ARSK: variants seen among roughly 807,000 people sequenced by gnomAD.
ARSK encodes the protein arylsulfatase family member K.
In ARSK, 37 loss-of-function variants were observed where a neutral mutation model predicts 53.2. The ratio of observed to expected loss-of-function variants is 0.70; its 90% CI spans 0.54 to 0.92. ARSK has a LOEUF of 0.92. Ranked by LOEUF, ARSK falls within the 40% of genes least tolerant of loss-of-function variation. The pLI is 0.00. For missense variants in ARSK, 613 were observed against 643.0 expected (o/e 0.95, Z 0.51); for synonymous variants, 208 against 223.2 (o/e 0.93, Z 0.61).
chr5:95,598,190 T>G (rs151171423), intron 6 of ARSK, among the ~76,000 whole-genome samples: 1 of 152,302 alleles, frequency 6.6e-6, no homozygotes, highest in African/African-American at 2.4e-5. Flanking sequence ...CACTCTTGCT[T>G]AAGAACCCTG....
chr5:95,566,591 T>C (rs1440047236), intron 2 of ARSK, among the ~76,000 whole-genome samples: 1 of 152,202 alleles, frequency 6.6e-6, no homozygotes, highest in African/African-American at 2.4e-5. Flanking sequence ...TACCTCTTTC[T>C]TTCCGTCTCA....
At chr5:95,556,336 A>T (rs1477418377) in intron 1 of ARSK, 2 of 678,468 alleles carry the variant, frequency 2.9e-6, no homozygotes, top group Non-Finnish European at 5.4e-6. Context: ...ATGGCATTTT[A>T]TTACAGAGTG....
chr5:95,585,300 C>G (rs1749094191), intron 4 of ARSK, among the ~76,000 whole-genome samples: 1 of 152,150 alleles, frequency 6.6e-6, no homozygotes, highest in Non-Finnish European at 1.5e-5. Context: ...ACCTTCTGAT[C>G]CAGCAATCCC....
intron 4 of ARSK, among the ~76,000 whole-genome samples, chr5:95,586,286 T>TATA (rs2112436260): frequency 6.6e-6 from 1 of 152,336 alleles, no homozygotes; most frequent in South Asian, 2.1e-4. Context: ...TACTGTCTAA[T>TATA]ATAGCTCATA....
At chr5:95,562,966 A>G (rs1036626191) in intron 1 of ARSK, among the ~76,000 whole-genome samples, 5 of 152,242 alleles carry the variant, frequency 3.3e-5, no homozygotes, top group Admixed American at 2.6e-4. Flanking sequence ...CCACATTAAC[A>G]TACTATGGAA....
intron 4 of ARSK, among the ~76,000 whole-genome samples, chr5:95,584,329 A>G (rs1749072124): frequency 6.6e-6 from 1 of 152,214 alleles, no homozygotes; most frequent in African/African-American, 2.4e-5. Flanking sequence ...CTAAAGAGCT[A>G]GCAGCATATC....
chr5:95,576,422 C>A (rs1029685883), intron 3 of ARSK, among the ~76,000 whole-genome samples: 2 of 151,528 alleles, frequency 1.3e-5, no homozygotes, highest in Non-Finnish European at 2.9e-5. Context: ...TGGTCTTGAT[C>A]TCCTGACCTC....
At position 95,555,727 on chromosome 5, in the gene ARSK, G is replaced by A. The variant is rs1337844772; in HGVS notation, c.126+323G>A. Among the ~76,000 whole-genome samples the A allele has an allele frequency of 6.6e-6, 1 of 151,890 alleles. No individual in the cohort carries two copies. Among genetic ancestry groups the A allele is most frequent in the Non-Finnish European group, 1.5e-5 (1 of 67,984 alleles). On this transcript the variant is annotated intron_variant, in intron 1 of 7. Transcript: ENST00000380009. The surrounding 1 kb of genome is among the most constrained non-coding windows in gnomAD (Gnocchi z 4.0). Reference sequence around the variant, plus strand: ...ATACCCCCGTTTGGTTTAATTGTGTGGTAAAATAACATTCTGCATCTCCAT... The same window carrying A: ...ATACCCCCGTTTGGTTTAATTGTGTAGTAAAATAACATTCTGCATCTCCAT...
At position 95,568,038 on chromosome 5, in the gene ARSK, T is replaced by C; in HGVS notation, c.405T>C (p.His135=). 6.2e-7 allele frequency: 1 copy of C among 1,613,514 alleles called. No homozygotes were observed. The highest frequency in any genetic ancestry group is 1.7e-5 in the Admixed American group (1 of 59,922). Residue 135 remains histidine (H), a synonymous_variant, in exon 3 of 8, where the codon CAT becomes CAC. Coordinates refer to ENST00000380009, the MANE Select transcript of ARSK (RefSeq NM_198150.3). ...KFGKLDYTSG[H]HSISNRVEAW... Reference sequence around the variant, plus strand: ...GGAAACTGGACTATACTTCAGGACATCACTCCATTAGGTAAAAATAAAACA... The same window carrying C: ...GGAAACTGGACTATACTTCAGGACACCACTCCATTAGGTAAAAATAAAACA...
Position 95,555,237 on chromosome 5 carries a change from G to A in ARSK, c.-42G>A. On this transcript the variant is annotated 5_prime_UTR_variant, in exon 1 of 8. Transcript: ENST00000380009. The surrounding 1 kb of genome is among the most constrained non-coding windows in gnomAD (Gnocchi z 4.0). ...TGCTAGGGAGAGAACGCCAGAGGGA[G>A]GCGGCTGGCCCGGCGGCAGGCTCTC... is the stretch of plus-strand genomic sequence containing the variant. The A allele has an allele frequency of 6.5e-7, 1 of 1,545,226 alleles. No homozygotes were observed. Among genetic ancestry groups the A allele is most frequent in the East Asian group, 2.5e-5 (1 of 40,694 alleles).
At chr5:95,558,939 G>A (rs1317416307) in intron 1 of ARSK, among the ~76,000 whole-genome samples, 2 of 152,092 alleles carry the variant, frequency 1.3e-5, no homozygotes, top group African/African-American at 4.8e-5. Flanking sequence ...TCAGGAGTTC[G>A]AGACCAGCCT....
intron 2 of ARSK, among the ~76,000 whole-genome samples, chr5:95,566,581 T>C (rs1748730069): frequency 6.6e-6 from 1 of 152,242 alleles, no homozygotes; most frequent in Non-Finnish European, 1.5e-5. Flanking sequence ...TTACATACTT[T>C]ACCTCTTTCT....
chr5:95,577,284 A>G (rs1424831991), intron 3 of ARSK, among the ~76,000 whole-genome samples: 1 of 152,254 alleles, frequency 6.6e-6, no homozygotes, highest in Non-Finnish European at 1.5e-5. Context: ...ATTACTTTAA[A>G]AGCATTAGAA....
intron 3 of ARSK, among the ~76,000 whole-genome samples, chr5:95,574,479 C>A (rs554430382): frequency 6.6e-6 from 1 of 152,270 alleles, no homozygotes; most frequent in East Asian, 1.9e-4. Context: ...TCTGAGGGTT[C>A]CCTTTGCTCC....
intron 6 of ARSK, among the ~76,000 whole-genome samples, chr5:95,592,037 T>C (rs1749226924): frequency 6.6e-6 from 1 of 152,258 alleles, no homozygotes; most frequent in Non-Finnish European, 1.5e-5. Context: ...ACTCTTTAGA[T>C]AGTTCTGTAC....
chr5:95,557,021 A>T (rs1748535004), intron 1 of ARSK: 1 of 151,718 alleles, frequency 6.6e-6, no homozygotes, highest in South Asian at 2.1e-4. Flanking sequence ...AAAAAAAAAT[A>T]AAAATAAAAA....
intron 5 of ARSK, among the ~76,000 whole-genome samples, chr5:95,589,191 G>A (rs1749170328): frequency 6.6e-6 from 1 of 152,096 alleles, no homozygotes; most frequent in Admixed American, 6.6e-5. Context: ...ACCTTGTCAG[G>A]TTGTTTACAT....
chr5:95,585,092 A>G (rs904075741), intron 4 of ARSK, among the ~76,000 whole-genome samples: 3 of 152,200 alleles, frequency 2.0e-5, no homozygotes, highest in Admixed American at 2.0e-4. Flanking sequence ...GCTCAACATC[A>G]CTAATGATCA....
chr5:95,569,453 GA>G (rs536169971), intron 3 of ARSK, among the ~76,000 whole-genome samples: 2 of 152,068 alleles, frequency 1.3e-5, no homozygotes, highest in Non-Finnish European at 1.5e-5. Context: ...ATCTCCAGAT[GA>G]AATCATGACT....
Sources: gnomAD v4.1 joint callset for allele counts (sites outside exome capture counted in the v4.1 genomes callset) on GRCh38, gnomAD v4.1.1 for gene constraint, Gnocchi (gnomAD v3.1) non-coding constraint, MANE v1.5 for transcripts, NCBI Gene and HGNC (gene_info 2026-07-23, HGNC 2026-07-21) for gene names.